The following HSD17B4 variants were observed in gnomAD, a reference collection of about 807,000 sequenced individuals.
HSD17B4 encodes peroxisomal multifunctional enzyme type 2.
A neutral mutation model predicts 101.0 loss-of-function variants in HSD17B4; 70 were observed. The observed-to-expected ratio is 0.69, with a 90% CI of 0.57 to 0.85. HSD17B4 has a LOEUF of 0.85. HSD17B4 is among the 40% of genes least tolerant of loss of function. The pLI, the probability that HSD17B4 is intolerant of heterozygous loss-of-function variation, is 0.00. For synonymous variants in HSD17B4, 347 were observed against 297.1 expected (o/e 1.17, Z -1.73); for missense variants, 984 against 892.4 (o/e 1.10, Z -1.31).
intron 1 of HSD17B4, among the ~76,000 whole-genome samples, chr5:119,455,154 G>T (rs1189234224): frequency 6.6e-6 from 1 of 152,166 alleles, no homozygotes; most frequent in Non-Finnish European, 1.5e-5. Flanking sequence ...ACATAGTTCT[G>T]TCCTCCAGAG....
At chr5:119,477,635 G>A in intron 7 of HSD17B4, 134 bp downstream of exon 7, 1 of 734,644 alleles carries the variant, frequency 1.4e-6, no homozygotes, top group South Asian at 1.5e-5. Context: ...TTTAACATAT[G>A]GTTTTGGCAC....
chr5:119,536,133 T>C lies in HSD17B4; in HGVS notation c.1994-290T>C, dbSNP rs147446291. The C allele has an allele frequency of 2.0e-3, 750 of 378,694 alleles. 4 individuals are homozygous for C. The highest frequency in any genetic ancestry group is 0.014 in the African/African-American group (691 of 48,118). The allele number at this position is 378,694 out of a possible 1,614,324, so 23.5% of individuals were successfully genotyped here. ...TCTGAAATAAGATTAGCTGTGATCT[T>C]ATAGGTGTCTATAAACTCAAGGTGA... On this transcript the variant is annotated intron_variant, in intron 22 of 23. Coordinates refer to ENST00000510025, the MANE Select transcript of HSD17B4 (RefSeq NM_000414.4).
At chr5:119,469,722 C>G (rs1359565065) in intron 2 of HSD17B4, among the ~76,000 whole-genome samples, 2 of 152,160 alleles carry the variant, frequency 1.3e-5, no homozygotes, top group African/African-American at 4.8e-5. Flanking sequence ...CGTATCTTCC[C>G]CTTTTATGAA....
At chr5:119,492,342 A>T (rs528495856) in intron 10 of HSD17B4, 2 of 581,144 alleles carry the variant, frequency 3.4e-6, no homozygotes, top group African/African-American at 3.7e-5. Flanking sequence ...TTCTTCCTGT[A>T]GGTAGTCCTT....
At chr5:119,452,961 T>G (rs1754218826) in intron 1 of HSD17B4, 1 of 979,264 alleles carries the variant, frequency 1.0e-6, no homozygotes, top group African/African-American at 1.6e-5. Flanking sequence ...ATTGTTACTC[T>G]TCCTGCAATT....
chr5:119,531,516 G>GT (rs937764031), intron 22 of HSD17B4, 112 bp downstream of exon 22: 24 of 1,068,532 alleles, frequency 2.2e-5, no homozygotes, highest in Middle Eastern at 2.8e-4. Flanking sequence ...TTTTAGGTAA[G>GT]TTTTTTTTCT....
rs188375157 is a variant in HSD17B4, at chr5:119,508,656, G to C, written c.1334-485G>C. On this transcript the variant is annotated intron_variant, in intron 15 of 23. Transcript: ENST00000510025. ...ATTAGGTGCCTTTTTTTCTGTACAG[G>C]AACTATTCTAGTTGATGGGAAAATA... Among the ~76,000 whole-genome samples, 495 of 152,146 alleles carry C rather than the reference G, an allele frequency of 3.3e-3. 5 individuals are homozygous for C. Among genetic ancestry groups the C allele is most frequent in the Admixed American group, 9.7e-3 (148 of 15,290 alleles).
intron 23 of HSD17B4, among the ~76,000 whole-genome samples, chr5:119,539,922 C>CAAAAAA (rs35193622): frequency 5.7e-5 from 6 of 105,816 alleles, no homozygotes; most frequent in South Asian, 3.2e-4. Flanking sequence ...CTGTCTCTAC[C>CAAAAAA]AAAAAAAAAA....
chr5:119,454,333 G>GT (rs1754377700), intron 1 of HSD17B4, among the ~76,000 whole-genome samples: 1 of 151,046 alleles, frequency 6.6e-6, no homozygotes, highest in Admixed American at 6.6e-5. Context: ...AGAGCTAAAG[G>GT]TTTTACTCTG....
intron 13 of HSD17B4, among the ~76,000 whole-genome samples, chr5:119,500,145 T>C (rs1288675993): frequency 1.3e-5 from 2 of 152,090 alleles, no homozygotes; most frequent in African/African-American, 2.4e-5. Context: ...TACAAGCTTG[T>C]TGCTTTTGGA....
chr5:119,501,163 T>C (rs987990751), intron 13 of HSD17B4, among the ~76,000 whole-genome samples: 2 of 152,140 alleles, frequency 1.3e-5, no homozygotes, highest in African/African-American at 4.8e-5. Flanking sequence ...TGTTTCAAAA[T>C]TCCCCCTAAC....
intron 19 of HSD17B4, 106 bp from the exon 20 acceptor site, chr5:119,527,027 T>C (rs2126880259): frequency 1.6e-6 from 1 of 642,138 alleles, no homozygotes; most frequent in South Asian, 1.8e-5. Context: ...TAAACCTTGA[T>C]TTTTTTTTTC....
In HSD17B4 at chr5:119,463,930, CAAAGTGCG is replaced by C. The variant is rs1755542061; in HGVS notation, c.112+7563_112+7570del. On this transcript the variant is annotated intron_variant, in intron 2 of 23. Coordinates refer to ENST00000510025, the MANE Select transcript of HSD17B4 (RefSeq NM_000414.4). ...AAATGATCCGCCTGCCTTGGCCTCC[CAAAGTGCG>C]GGGATTACAGGCGTGAGCCACTGCA... Among the ~76,000 whole-genome samples the C allele has an allele frequency of 2.0e-5, 3 of 152,116 alleles. No individual in the cohort carries two copies. In the East Asian group the frequency reaches 5.8e-4, roughly 29 times the overall value.
chr5:119,475,815 A>AT lies in HSD17B4; in HGVS notation c.303-3dup, dbSNP rs1292554547. On this transcript the variant is annotated splice_polypyrimidine_tract_variant and intron_variant, in intron 5 of 23. Transcript: ENST00000510025. ...CCTCCTTTTACCCTATACAACATTG[A>AT]TTTTTTAGAATTCTGAGGGATCGTT... 4 of 1,600,110 alleles carry AT rather than the reference A, an allele frequency of 2.5e-6. No homozygotes were observed. The highest frequency in any genetic ancestry group is 1.7e-5 in the Admixed American group (1 of 59,896).
chr5:119,485,565 G>T (rs1317079756), intron 8 of HSD17B4, among the ~76,000 whole-genome samples: 1 of 151,766 alleles, frequency 6.6e-6, no homozygotes, highest in African/African-American at 2.4e-5. Flanking sequence ...TTATAGTTTA[G>T]AATATCTGAA....
intron 20 of HSD17B4, among the ~76,000 whole-genome samples, chr5:119,529,240 A>C (rs1317872006): frequency 6.6e-6 from 1 of 152,174 alleles, no homozygotes; most frequent in Non-Finnish European, 1.5e-5. Context: ...TTTATGAAAG[A>C]ATAGCCATTG....
At chr5:119,483,024 A>C (rs1469979570) in intron 8 of HSD17B4, among the ~76,000 whole-genome samples, 3 of 151,948 alleles carry the variant, frequency 2.0e-5, no homozygotes, top group Non-Finnish European at 4.4e-5. Flanking sequence ...TCTTCAGAGC[A>C]GGCCTTAAGT....
Position 119,506,548 on chromosome 5 carries a change from G to A in HSD17B4, c.1262-270G>A, listed in dbSNP as rs150923036. Among the ~76,000 whole-genome samples, 179 of 152,220 alleles carry A rather than the reference G, an allele frequency of 1.2e-3. No individual in the cohort carries two copies. In the East Asian group the frequency reaches 0.033, roughly 28 times the overall value. On this transcript the variant is annotated intron_variant, in intron 14 of 23. Transcript: ENST00000510025. The stretch of plus-strand genomic sequence containing the variant: ...TACATACCCAGTAATGGGATTGCTG[G>A]GTCAAATGGTATTTCTAGTTCTAGA...
chr5:119,502,628 C>T (rs1215960097), intron 14 of HSD17B4, among the ~76,000 whole-genome samples: 1 of 151,494 alleles, frequency 6.6e-6, no homozygotes, highest in African/African-American at 2.4e-5. Context: ...ATTTATTTCT[C>T]TACTTTGATG....
Sources: allele counts gnomAD v4.1 joint callset (sites outside exome capture counted in the v4.1 genomes callset), GRCh38; gene constraint gnomAD v4.1.1; transcripts MANE v1.5; gene names NCBI Gene and HGNC (gene_info 2026-07-23, HGNC 2026-07-21).